Variants in CELF2 observed in about 807,000 individuals in gnomAD.
CELF2 encodes the protein CUG triplet repeat RNA-binding protein 2.
In CELF2, 8 loss-of-function variants were observed where a neutral mutation model predicts 62.6. The ratio of observed to expected loss-of-function variants is 0.13; its 90% CI spans 0.07 to 0.23. The LOEUF (loss-of-function observed/expected upper bound fraction) is 0.23. Ranked by LOEUF, CELF2 falls within the 10% of genes least tolerant of loss-of-function variation. The probability of loss-of-function intolerance (pLI) is 1.00; values close to 1 mark genes in which losing one functional copy is unlikely to be tolerated. For synonymous variants in CELF2, 258 were observed against 250.0 expected, an observed-to-expected ratio of 1.03 and a Z score of -0.30; for missense variants, 333 against 671.0, an observed-to-expected ratio of 0.50 and a Z score of 5.56.
chr10:10,525,179 A>C, the CELF2 span, among the ~76,000 whole-genome samples: 1 of 152,178 alleles, frequency 6.6e-6, no homozygotes, highest in Non-Finnish European at 1.5e-5. Flanking sequence ...CAAGTATATC[A>C]TACGTTGTTA....
the CELF2 span, among the ~76,000 whole-genome samples, chr10:10,736,396 C>CTTTCTTTCTTTCTTTCTTTCTTTCT: frequency 1.6e-4 from 12 of 75,986 alleles, no homozygotes; most frequent in Non-Finnish European, 2.2e-4. Flanking sequence ...TTCTTTCTTT[C>CTTTCTTTCTTTCTTTCTTTCTTTCT]TTTTTTTTTT....
Position 11,319,836 on chromosome 10 carries a change from G to A in CELF2, c.1097-1353G>A, listed in dbSNP as rs1161896842. ...AAGAGGCGAAGTTGGCCAAATAGAA[G>A]CACAAGTGGAGTAAACAGAACATTC... On this transcript the variant is annotated intron_variant, in intron 10 of 12. Transcript: ENST00000633077. The surrounding 1 kb of genome is among the most constrained non-coding windows in gnomAD (Gnocchi z 4.4). 4.2e-6 allele frequency: 2 copies of A among 470,962 alleles called. No homozygotes were observed. Among genetic ancestry groups the A allele is most frequent in the African/African-American group, 4.0e-5 (2 of 50,036 alleles). 29.2% of individuals were successfully genotyped at this position (470,962 alleles called of 1,614,324 possible).
intron 1 of CELF2, among the ~76,000 whole-genome samples, chr10:10,911,449 T>C (rs2063801286): frequency 6.6e-6 from 1 of 152,232 alleles, no homozygotes; most frequent in Non-Finnish European, 1.5e-5. Flanking sequence ...GAAGAGGCTG[T>C]ATGTGTCAGT....
the CELF2 span, among the ~76,000 whole-genome samples, chr10:10,547,692 A>AGAGAGAGAGAGTGT: frequency 5.2e-3 from 715 of 138,080 alleles, 10 homozygotes; most frequent in African/African-American, 0.019. Context: ...AGAGAGAGAG[A>AGAGAGAGAGAGTGT]GTGTGTGTGT....
rs1245187414 is a variant in CELF2 at position 11,260,880 on chromosome 10, G to A, written c.538+3008G>A. Among the ~76,000 whole-genome samples, 1 of 152,140 alleles carries A rather than the reference G, an allele frequency of 6.6e-6. No individual in the cohort carries two copies. Among genetic ancestry groups the A allele is most frequent in the Non-Finnish European group, 1.5e-5 (1 of 68,028 alleles). The stretch of plus-strand genomic sequence containing the variant: ...TGTTAAAAGCACAATTCTCTTTCAT[G>A]CTACCATTTTGCTTTCATTAAAGAA... On this transcript the variant is annotated intron_variant, in intron 5 of 12. Coordinates refer to ENST00000633077, the MANE Select transcript of CELF2 (RefSeq NM_001326342.2). The surrounding 1 kb of genome is among the most constrained non-coding windows in gnomAD (Gnocchi z 4.2).
chr10:10,932,010 C>CCCATGAT, intron 2 of CELF2, among the ~76,000 whole-genome samples: 1 of 152,224 alleles, frequency 6.6e-6, no homozygotes, highest in Admixed American at 6.5e-5. Flanking sequence ...AAGACCTGCC[C>CCCATGAT]CCATGATTCC....
At chr10:11,026,554 A>G (rs1157512797) in intron 1 of CELF2, among the ~76,000 whole-genome samples, 2 of 152,218 alleles carry the variant, frequency 1.3e-5, no homozygotes, top group African/African-American at 4.8e-5. Context: ...ATGTGGATTT[A>G]CTTCGTTGTT....
chr10:10,528,508 C>A, the CELF2 span, among the ~76,000 whole-genome samples: 1 of 152,198 alleles, frequency 6.6e-6, no homozygotes, highest in Non-Finnish European at 1.5e-5. Flanking sequence ...TGTTAATCTA[C>A]TCCCCCTAAA....
the CELF2 span, among the ~76,000 whole-genome samples, chr10:10,655,069 C>A: frequency 6.7e-6 from 1 of 150,032 alleles, no homozygotes; most frequent in Non-Finnish European, 1.5e-5. Flanking sequence ...TTCTTATACA[C>A]CAACAACAGA....
rs2095264455 is a variant in CELF2 at position 11,319,036 on chromosome 10, C to T, written c.1097-2153C>T. On this transcript the variant is annotated intron_variant, in intron 10 of 12. Coordinates refer to ENST00000633077, the MANE Select transcript of CELF2 (RefSeq NM_001326342.2). The surrounding 1 kb of genome is among the most constrained non-coding windows in gnomAD (Gnocchi z 4.4). The stretch of plus-strand genomic sequence containing the variant: ...GCCCGTCCTCGTCTGGCAGCAAGGC[C>T]CCACATGGCTCTGCAGGCTGCGAGG... The T allele has an allele frequency of 4.2e-6, 2 of 470,860 alleles. No homozygotes were observed. Among genetic ancestry groups the T allele is most frequent in the Non-Finnish European group, 4.4e-6 (1 of 227,066 alleles). 29.2% of individuals were successfully genotyped at this position (470,860 alleles called of 1,614,324 possible).
rs1291873 is a variant in CELF2 at position 11,046,048 on chromosome 10, C to T, written c.74+27885C>T. On this transcript the variant is annotated intron_variant, in intron 1 of 12. Transcript: ENST00000633077. The surrounding 1 kb of genome is among the most constrained non-coding windows in gnomAD (Gnocchi z 4.6). Reference sequence around the variant, plus strand: ...GTTTGTTTTTAAAGGCAACGACTCGCTCATGAAGAGTTTGAACATACAGGG... The same window carrying T: ...GTTTGTTTTTAAAGGCAACGACTCGTTCATGAAGAGTTTGAACATACAGGG... 0.33 allele frequency among the ~76,000 whole-genome samples: 50,926 copies of T among 152,084 alleles called. 9,340 individuals are homozygous for T. Among genetic ancestry groups the T allele is most frequent in the African/African-American group, 0.46 (18,895 of 41,446 alleles).
chr10:10,531,328 T>A, the CELF2 span, among the ~76,000 whole-genome samples: 1 of 152,314 alleles, frequency 6.6e-6, no homozygotes, highest in African/African-American at 2.4e-5. Flanking sequence ...AAATCTGTAT[T>A]GTAACAGCAG....
At chr10:10,660,418 A>C in the CELF2 span, among the ~76,000 whole-genome samples, 8 of 152,206 alleles carry the variant, frequency 5.3e-5, no homozygotes, top group Admixed American at 5.2e-4. Flanking sequence ...CAGCAAGCCC[A>C]TGCCATCTCT....
exon 1 of CELF2, chr10:10,798,634 C>CGT: frequency 2.5e-6 from 1 of 397,162 alleles, no homozygotes; most frequent in Non-Finnish European, 4.4e-6. Flanking sequence ...AGGAAAAGTG[C>CGT]GTGTCAGCCC....
rs1402211014 is a variant in CELF2 at position 11,243,828 on chromosome 10, T to G, written c.355-5325T>G. 6.6e-6 allele frequency among the ~76,000 whole-genome samples: 1 copy of G among 152,244 alleles called. No individual in the cohort carries two copies. On this transcript the variant is annotated intron_variant, in intron 3 of 12. Transcript: ENST00000633077. The surrounding 1 kb of genome is among the most constrained non-coding windows in gnomAD (Gnocchi z 4.1). ...ACTTCCCATTCTGTGTGGCTGGAGA[T>G]GCAGCCTCAGTTTAATTAGCACACG...
At chr10:11,283,903 ACT>A (rs1225098667) in intron 8 of CELF2, among the ~76,000 whole-genome samples, 1 of 136,384 alleles carries the variant, frequency 7.3e-6, no homozygotes. Context: ...ATGATGGATG[ACT>A]GTGTGGTAGG....
In CELF2 at chr10:11,321,976, G is replaced by T. The variant is rs893716215; in HGVS notation, c.1294+590G>T. On this transcript the variant is annotated intron_variant, in intron 11 of 12. Coordinates refer to ENST00000633077, the MANE Select transcript of CELF2 (RefSeq NM_001326342.2). This position sits in a 1 kb window ranked among gnomAD's most constrained non-coding sequence, Gnocchi z 6.2. ...ACTGCTCACCCCCTGCCATAATTAAGTTCTATAAACTATTAATTTCCCATA... is the reference window on the plus strand; with the variant it reads ...ACTGCTCACCCCCTGCCATAATTAATTTCTATAAACTATTAATTTCCCATA... Among the ~76,000 whole-genome samples, 3 of 152,252 alleles carry T rather than the reference G, an allele frequency of 2.0e-5. No individual in the cohort carries two copies. The South Asian group carries it at 6.2e-4, about 32-fold the overall frequency.
intron 9 of CELF2, 80 bp downstream of exon 9, chr10:11,288,632 G>A: frequency 5.2e-6 from 8 of 1,531,380 alleles, no homozygotes; most frequent in South Asian, 1.2e-5. Flanking sequence ...AGGTGCGAGG[G>A]TGAGGCTAGA....
chr10:11,147,033 G>T (rs187194023), intron 1 of CELF2, among the ~76,000 whole-genome samples: 2 of 152,308 alleles, frequency 1.3e-5, no homozygotes, highest in East Asian at 3.9e-4. Context: ...ATTAGAATGA[G>T]ATCAGTGCCT....
Sources: gnomAD v4.1 joint callset for allele counts (sites outside exome capture counted in the v4.1 genomes callset) on GRCh38, gnomAD v4.1.1 for gene constraint, Gnocchi (gnomAD v3.1) non-coding constraint, MANE v1.5 for transcripts, NCBI Gene and HGNC (gene_info 2026-07-23, HGNC 2026-07-21) for gene names.